Variants in EXT1 observed in about 807,000 individuals in gnomAD.
EXT1 encodes exostosin glycosyltransferase 1, also known as exostosin-1.
Under a neutral mutation model 82.5 loss-of-function variants are expected in EXT1, and 20 were observed. The ratio of observed to expected loss-of-function variants is 0.24; its 90% CI spans 0.17 to 0.35. EXT1 has a LOEUF of 0.35. EXT1 is among the 10% of genes least tolerant of loss of function. The pLI is 1.00. For synonymous variants in EXT1, 348 were observed against 350.8 expected (o/e 0.99, Z 0.09); for missense variants, 757 against 936.5 (o/e 0.81, Z 2.50).
At chr8:117,935,573 C>T (rs1470322002) in intron 1 of EXT1, among the ~76,000 whole-genome samples, 1 of 152,052 alleles carries the variant, frequency 6.6e-6, no homozygotes, top group Non-Finnish European at 1.5e-5. Flanking sequence ...GTTGCCCAGG[C>T]TGGTCTCAAA....
chr8:117,967,440 T>C (rs1814846345), intron 1 of EXT1, among the ~76,000 whole-genome samples: 1 of 152,246 alleles, frequency 6.6e-6, no homozygotes, highest in Non-Finnish European at 1.5e-5. Flanking sequence ...TTAAATATTT[T>C]TTAAATTTCC....
chr8:118,096,618 A>AG (rs1563654814), intron 1 of EXT1, among the ~76,000 whole-genome samples: 1 of 29,238 alleles, frequency 3.4e-5, no homozygotes, highest in East Asian at 1.6e-3. Context: ...GAAGGAAGGA[A>AG]GGAGGAAGGA....
At chr8:118,052,822 G>A (rs1194776089) in intron 1 of EXT1, among the ~76,000 whole-genome samples, 1 of 152,206 alleles carries the variant, frequency 6.6e-6, no homozygotes, top group African/African-American at 2.4e-5. Flanking sequence ...TGTCTGCAGT[G>A]AAGGCAACAC....
At chr8:118,102,884 G>A (rs575652602) in intron 1 of EXT1, among the ~76,000 whole-genome samples, 2 of 152,146 alleles carry the variant, frequency 1.3e-5, no homozygotes, top group South Asian at 2.1e-4. Context: ...GCCGGGCTTG[G>A]TGGCTCATGC....
intron 1 of EXT1, among the ~76,000 whole-genome samples, chr8:117,968,905 T>C (rs527564143): frequency 1.3e-5 from 2 of 152,334 alleles, no homozygotes; most frequent in South Asian, 4.1e-4. Flanking sequence ...TATTTGACTG[T>C]AAACTACCTA....
chr8:117,819,818 C>T lies in EXT1; in HGVS notation c.1418-24G>A, dbSNP rs17474434. 1.7e-3 allele frequency: 2,703 copies of T among 1,598,766 alleles called. 38 individuals are homozygous for T. The African/African-American group carries it at 0.03, about 18-fold the overall frequency. On this transcript the variant is annotated intron_variant, in intron 5 of 10. Transcript: ENST00000378204. ...ACCTGAAATAAAAAGGAGAGTAGAG[C>T]CTAATGAAGCGCTGGAAAGCAAGAC...
chr8:117,861,692 T>C (rs4076475), intron 1 of EXT1, among the ~76,000 whole-genome samples: 97,670 of 141,058 alleles, frequency 0.69, 37,063 homozygotes, highest in Non-Finnish European at 0.73. Flanking sequence ...GATGGGGTTT[T>C]ACCATGCTGG....
At chr8:118,019,572 C>T (rs1298182606) in intron 1 of EXT1, among the ~76,000 whole-genome samples, 1 of 152,210 alleles carries the variant, frequency 6.6e-6, no homozygotes, top group Non-Finnish European at 1.5e-5. Flanking sequence ...ATTCATCGTA[C>T]ATCGTCTTGG....
chr8:117,911,981 A>G (rs752860198), intron 1 of EXT1, among the ~76,000 whole-genome samples: 20 of 152,224 alleles, frequency 1.3e-4, no homozygotes, highest in Non-Finnish European at 1.5e-4. Context: ...GCAGAAATGC[A>G]CAAAAAGAGG....
In EXT1 at chr8:118,110,947, G is replaced by A. The variant is rs771543794; in HGVS notation, c.100C>T (p.His34Tyr). The A allele has an allele frequency of 2.5e-6, 4 of 1,613,442 alleles. No individual in the cohort carries two copies. Among genetic ancestry groups the A allele is most frequent in the Non-Finnish European group, 1.7e-6 (2 of 1,180,044 alleles). ...GGLQFRASRS[H>Y]SRREEHSGRN... ...CCGCTGTGTTCTTCTCTCCGGCTGT[G>A]GCTCCTCGATGCCCTAAACTGCAAG... The change falls in exon 1 of 11, where the codon CAC (histidine) becomes TAC (tyrosine). Residue 34 changes from histidine to tyrosine, a missense_variant. Around this residue, in one of 4 missense-constraint regions of EXT1, gnomAD observed 175 missense variants for 159.0 expected, o/e 1.10. Coordinates refer to ENST00000378204, the MANE Select transcript of EXT1 (RefSeq NM_000127.3).
At chr8:117,942,759 C>G (rs1311562848) in intron 1 of EXT1, among the ~76,000 whole-genome samples, 4 of 152,122 alleles carry the variant, frequency 2.6e-5, no homozygotes, top group African/African-American at 7.2e-5. Flanking sequence ...AAATATCCAA[C>G]AAGTTCTGTT....
intron 1 of EXT1, among the ~76,000 whole-genome samples, chr8:118,028,994 T>C (rs1013875579): frequency 1.3e-5 from 2 of 152,150 alleles, no homozygotes; most frequent in South Asian, 4.1e-4. Flanking sequence ...CATAAATATA[T>C]ATCAATATAC....
chr8:117,972,201 T>C (rs892053905), intron 1 of EXT1, among the ~76,000 whole-genome samples: 1 of 143,488 alleles, frequency 7.0e-6, no homozygotes, highest in Non-Finnish European at 1.5e-5. Flanking sequence ...AACAGAAAAA[T>C]GAAATGGAAT....
At chr8:118,012,536 G>C (rs1815922970) in intron 1 of EXT1, among the ~76,000 whole-genome samples, 1 of 152,212 alleles carries the variant, frequency 6.6e-6, no homozygotes, top group Admixed American at 6.5e-5. Flanking sequence ...CCAGATAAAA[G>C]GCTTTAGCCT....
intron 8 of EXT1, among the ~76,000 whole-genome samples, chr8:117,808,713 G>T (rs150736655): frequency 9.3e-4 from 141 of 152,282 alleles, no homozygotes; most frequent in African/African-American, 3.2e-3. Context: ...TCCAAAGCAG[G>T]ACCTGTGATG....
At chr8:118,021,384 T>C (rs943848499) in intron 1 of EXT1, among the ~76,000 whole-genome samples, 1 of 152,240 alleles carries the variant, frequency 6.6e-6, no homozygotes, top group Non-Finnish European at 1.5e-5. Context: ...ACAAGATATA[T>C]GTTTTTAATC....
chr8:117,854,945 G>A (rs1421786885), intron 1 of EXT1, among the ~76,000 whole-genome samples: 2 of 152,184 alleles, frequency 1.3e-5, no homozygotes, highest in Non-Finnish European at 2.9e-5. Context: ...ATCTTTCAAA[G>A]CAATGAGCAC....
At chr8:117,826,015 T>C (rs1397994457) in intron 4 of EXT1, among the ~76,000 whole-genome samples, 1 of 152,238 alleles carries the variant, frequency 6.6e-6, no homozygotes, top group Non-Finnish European at 1.5e-5. Context: ...TGACAAATAA[T>C]GGAATCCATG....
At chr8:118,109,612 G>C (rs1248785315) in intron 1 of EXT1, among the ~76,000 whole-genome samples, 1 of 151,938 alleles carries the variant, frequency 6.6e-6, no homozygotes, top group Non-Finnish European at 1.5e-5. Flanking sequence ...ATGTGAAGTT[G>C]GGAAAACTCC....
Sources: gnomAD v4.1 joint callset for allele counts (sites outside exome capture counted in the v4.1 genomes callset) on GRCh38, gnomAD v4.1.1 for gene constraint, gnomAD v4.1.1 regional missense constraint, MANE v1.5 for transcripts, NCBI Gene and HGNC (gene_info 2026-07-23, HGNC 2026-07-21) for gene names.